The following TMEM178B variants were observed in gnomAD, a reference collection of about 807,000 sequenced individuals.
The protein encoded by TMEM178B is transmembrane protein 178B.
TMEM178B carries 5 observed loss-of-function variants against 31.0 expected under a neutral mutation model. The ratio of observed to expected loss-of-function variants is 0.16; its 90% confidence interval spans 0.08 to 0.34. The LOEUF (loss-of-function observed/expected upper bound fraction) is 0.34, where lower values mean the gene tolerates loss of function less well. Ranked by LOEUF, TMEM178B falls within the 10% of genes least tolerant of loss-of-function variation. The pLI is 1.00. For synonymous variants in TMEM178B, 164 were observed against 164.0 expected (o/e 1.00, Z 0.00); for missense variants, 275 against 400.3 (o/e 0.69, Z 2.67).
intron 2 of TMEM178B, among the ~76,000 whole-genome samples, chr7:141,358,917 G>C (rs1799869640): frequency 6.6e-6 from 1 of 152,154 alleles, no homozygotes; most frequent in Non-Finnish European, 1.5e-5. Flanking sequence ...CAGCTACTCA[G>C]TCCTTCACAC....
intron 2 of TMEM178B, among the ~76,000 whole-genome samples, chr7:141,317,625 T>C (rs190142579): frequency 3.3e-5 from 5 of 152,160 alleles, no homozygotes; most frequent in Admixed American, 3.3e-4. Context: ...CCAGGAGTGA[T>C]AGGATGCCAA....
At chr7:141,174,900 A>G (rs939796257) in intron 1 of TMEM178B, among the ~76,000 whole-genome samples, 8 of 152,152 alleles carry the variant, frequency 5.3e-5, no homozygotes, top group Non-Finnish European at 1.0e-4. Context: ...ATTTTCTCCC[A>G]TTCTGTAGGT....
At chr7:141,316,010 G>A (rs1476853811) in intron 2 of TMEM178B, among the ~76,000 whole-genome samples, 1 of 152,124 alleles carries the variant, frequency 6.6e-6, no homozygotes. Flanking sequence ...GATCCTTGTT[G>A]CTAAAGACAT....
rs35732847 is a variant in TMEM178B, at chr7:141,408,181, GA to G, written c.497-29415del. ...CTAGTTGTCAGCAGCACCAGGGCTA[GA>G]AAAAAAAAAAAGGTGAACCTATAAT... On this transcript the variant is annotated intron_variant, in intron 2 of 3. Transcript: ENST00000565468. Among the ~76,000 whole-genome samples the G allele has an allele frequency of 3.8e-3, 539 of 142,766 alleles. 3 individuals carry two copies. Among genetic ancestry groups the G allele is most frequent in the African/African-American group, 0.011 (439 of 39,162 alleles). 93.7% of individuals were successfully genotyped at this position (142,766 alleles called of 152,430 possible). A position where few individuals can be genotyped will look rare whatever the true frequency, so the allele number is the denominator to read the frequency against.
chr7:141,085,150 AT>A (rs61516388), intron 1 of TMEM178B, among the ~76,000 whole-genome samples: 44,314 of 74,498 alleles, frequency 0.59, 12,661 homozygotes, highest in East Asian at 0.75. Context: ...GCTAATTTGT[AT>A]TTTTTTTTTT....
intron 2 of TMEM178B, among the ~76,000 whole-genome samples, chr7:141,434,278 C>T (rs1200820203): frequency 6.6e-6 from 1 of 152,214 alleles, no homozygotes; most frequent in Admixed American, 6.5e-5. Flanking sequence ...AACCTTTGCT[C>T]CCTGGCGTCT....
intron 1 of TMEM178B, among the ~76,000 whole-genome samples, chr7:141,175,136 G>T (rs765766577): frequency 6.6e-6 from 1 of 152,118 alleles, no homozygotes; most frequent in Non-Finnish European, 1.5e-5. Context: ...GTTAATTTTT[G>T]TATGGGGTGT....
intron 2 of TMEM178B, among the ~76,000 whole-genome samples, chr7:141,327,170 G>T (rs542867866): frequency 6.6e-6 from 1 of 152,200 alleles, no homozygotes; most frequent in African/African-American, 2.4e-5. Context: ...GTAGACGGTG[G>T]CCTCTTTGCA....
chr7:141,446,949 C>A (rs1156965494), intron 3 of TMEM178B, among the ~76,000 whole-genome samples: 3 of 152,136 alleles, frequency 2.0e-5, no homozygotes, highest in Admixed American at 1.3e-4. Flanking sequence ...CAATGCCACA[C>A]AAACGCACTA....
chr7:141,496,429 G>A, the TMEM178B span, among the ~76,000 whole-genome samples: 1 of 152,064 alleles, frequency 6.6e-6, no homozygotes, highest in Non-Finnish European at 1.5e-5. Context: ...CTGTAGATTT[G>A]GGAGGCCGAG....
intron 1 of TMEM178B, among the ~76,000 whole-genome samples, chr7:141,120,313 C>G (rs957275636): frequency 6.6e-6 from 1 of 152,152 alleles, no homozygotes; most frequent in Admixed American, 6.5e-5. Flanking sequence ...GAATGGATAG[C>G]ATTCATATCC....
intron 1 of TMEM178B, among the ~76,000 whole-genome samples, chr7:141,151,776 G>C (rs1795976565): frequency 6.6e-6 from 1 of 152,186 alleles, no homozygotes; most frequent in African/African-American, 2.4e-5. Context: ...GGCTACTCTA[G>C]GACATTGTCT....
rs553375858 is a variant in TMEM178B, at chr7:141,435,671, C to T, written c.497-1937C>T. Among the ~76,000 whole-genome samples the T allele has an allele frequency of 7.2e-5, 11 of 152,318 alleles. No individual in the cohort carries two copies. The East Asian group carries it at 7.7e-4, about 11-fold the overall frequency. ...ACTGGCTGTGGCTGCCCACGCAGGC[C>T]GCTGGCCTCACAAGCTCCTATTGTG... On this transcript the variant is annotated intron_variant, in intron 2 of 3. Transcript: ENST00000565468.
At chr7:141,230,231 T>C (rs1411978005) in intron 2 of TMEM178B, among the ~76,000 whole-genome samples, 2 of 152,196 alleles carry the variant, frequency 1.3e-5, no homozygotes, top group Non-Finnish European at 2.9e-5. Flanking sequence ...TGCCCAGAAT[T>C]GGAACTACTG....
chr7:141,171,438 T>C lies in TMEM178B; in HGVS notation c.383-41153T>C, dbSNP rs148745625. Among the ~76,000 whole-genome samples, 181 of 152,316 alleles carry C rather than the reference T, an allele frequency of 1.2e-3. No individual in the cohort carries two copies. Among genetic ancestry groups the C allele is most frequent in the East Asian group, 6.7e-3 (35 of 5,186 alleles). On this transcript the variant is annotated intron_variant, in intron 1 of 3. Coordinates refer to ENST00000565468, the MANE Select transcript of TMEM178B (RefSeq NM_001195278.2). This position sits in a 1 kb window ranked among gnomAD's most constrained non-coding sequence, Gnocchi z 4.3. Reference sequence around the variant, plus strand: ...ACTGACTGGGAAACAGTCTGGGAGCTCAAGTAACTTGCCCACAATCACTTA... The same window carrying C: ...ACTGACTGGGAAACAGTCTGGGAGCCCAAGTAACTTGCCCACAATCACTTA...
intron 2 of TMEM178B, among the ~76,000 whole-genome samples, chr7:141,303,550 G>A (rs1798764167): frequency 6.6e-6 from 1 of 152,222 alleles, no homozygotes; most frequent in African/African-American, 2.4e-5. Context: ...GGAGCGCCAT[G>A]CTCAGCTGTG....
chr7:141,211,434 G>A lies in TMEM178B; in HGVS notation c.383-1157G>A, dbSNP rs565345527. 2.0e-4 allele frequency among the ~76,000 whole-genome samples: 31 copies of A among 152,308 alleles called. 1 individual carries two copies. The South Asian group carries it at 5.6e-3, about 27-fold the overall frequency. On this transcript the variant is annotated intron_variant, in intron 1 of 3. Coordinates refer to ENST00000565468, the MANE Select transcript of TMEM178B (RefSeq NM_001195278.2). ...ATTGCAGGTTCCCTGCTGACAGTGG[G>A]CTAGGGGGTCAAACAGTTCAATCAT...
intron 2 of TMEM178B, among the ~76,000 whole-genome samples, chr7:141,347,060 G>T (rs1255270030): frequency 1.3e-5 from 2 of 152,146 alleles, no homozygotes; most frequent in East Asian, 3.9e-4. Flanking sequence ...GAAGGCCCTT[G>T]CTTCCCCTTC....
chr7:141,398,790 A>G (rs924023522), intron 2 of TMEM178B, among the ~76,000 whole-genome samples: 9 of 152,190 alleles, frequency 5.9e-5, no homozygotes, highest in South Asian at 2.1e-4. Context: ...CTCCGTCTAC[A>G]GAGGAGGAAT....
Sources: gnomAD v4.1 joint callset for allele counts (sites outside exome capture counted in the v4.1 genomes callset) on GRCh38, gnomAD v4.1.1 for gene constraint, Gnocchi (gnomAD v3.1) non-coding constraint, MANE v1.5 for transcripts, NCBI Gene and HGNC (gene_info 2026-07-23, HGNC 2026-07-21) for gene names.